Variants in MACF1 observed in about 807,000 individuals in gnomAD.
MACF1 encodes microtubule actin crosslinking factor 1.
In MACF1, 193 loss-of-function variants were observed where a neutral mutation model predicts 854.8. That is an observed-to-expected ratio of 0.23 (90% CI 0.20 to 0.25). MACF1 has a LOEUF of 0.25. Among genes scored for constraint, MACF1 ranks in the 10% least tolerant of loss-of-function variants. MACF1 has a pLI of 1.00. For synonymous variants in MACF1, 3,185 were observed against 3,226.7 expected (o/e 0.99, Z 0.44); for missense variants, 7,722 against 8,929.1 (o/e 0.86, Z 5.45).
At chr1:39,313,834 C>T (rs1646351722) in intron 26 of MACF1, among the ~76,000 whole-genome samples, 1 of 152,034 alleles carries the variant, frequency 6.6e-6, no homozygotes. Context: ...AGGCTGGTCT[C>T]CAACTCCTGG....
chr1:39,213,557 G>A (rs773703184), intron 1 of MACF1, among the ~76,000 whole-genome samples: 1 of 151,988 alleles, frequency 6.6e-6, no homozygotes, highest in East Asian at 1.9e-4. Flanking sequence ...GGGTGGTCTC[G>A]AACTCCTGAG....
At chr1:39,160,095 G>A (rs1231284808) in intron 2 of MACF1, among the ~76,000 whole-genome samples, 1 of 152,058 alleles carries the variant, frequency 6.6e-6, no homozygotes, top group African/African-American at 2.4e-5. Flanking sequence ...TGGGAGGATC[G>A]CTTGAACCCA....
chr1:39,413,792 T>C, intron 58 of MACF1: 1 of 1,611,674 alleles, frequency 6.2e-7, no homozygotes, highest in Non-Finnish European at 8.5e-7. Flanking sequence ...GCTGCTGCAG[T>C]GCCCACCCCA....
Position 39,473,824 on chromosome 1 carries a change from G to A in MACF1, c.21958+4209G>A, listed in dbSNP as rs536756203. ...AAGGTAAATTAAGATGATGGTCCCTGCCTGCAGAAGCTCTCAGCCTAGTGC... is the reference window on the plus strand; with the variant it reads ...AAGGTAAATTAAGATGATGGTCCCTACCTGCAGAAGCTCTCAGCCTAGTGC... On this transcript the variant is annotated intron_variant, in intron 97 of 100. Coordinates refer to ENST00000564288, the MANE Select transcript of MACF1 (RefSeq NM_001394062.1). Among the ~76,000 whole-genome samples, 25 of 152,320 alleles carry A rather than the reference G, an allele frequency of 1.6e-4. No homozygotes were observed. The East Asian group carries it at 4.8e-3, about 29-fold the overall frequency.
intron 61 of MACF1, among the ~76,000 whole-genome samples, chr1:39,426,891 A>G (rs1643747171): frequency 6.6e-6 from 1 of 152,066 alleles, no homozygotes; most frequent in Non-Finnish European, 1.5e-5. Context: ...GGGGCTTGAA[A>G]TTACCAGAAG....
chr1:39,358,581 C>T (rs1647799211), intron 45 of MACF1, 116 bp from the exon 46 acceptor site: 1 of 922,252 alleles, frequency 1.1e-6, no homozygotes. Flanking sequence ...CTGGCAATAC[C>T]CTTATCTGAA....
intron 1 of MACF1, among the ~76,000 whole-genome samples, chr1:39,210,372 C>CT (rs200643875): frequency 1.7e-4 from 25 of 151,316 alleles, no homozygotes; most frequent in African/African-American, 4.6e-4. Context: ...CATTCCTTTC[C>CT]TTTTTTTAAA....
At chr1:39,231,293 T>C in intron 2 of MACF1, 50 bp downstream of exon 2, 1 of 1,496,556 alleles carries the variant, frequency 6.7e-7, no homozygotes, top group Non-Finnish European at 9.3e-7. Context: ...ACTGCTCTCA[T>C]CTGGATCTGT....
intron 2 of MACF1, among the ~76,000 whole-genome samples, chr1:39,122,103 A>T (rs1169872137): frequency 6.6e-6 from 1 of 152,152 alleles, no homozygotes; most frequent in East Asian, 1.9e-4. Context: ...TTGAGTAAAA[A>T]AAAATTCTGT....
chr1:39,243,677 A>G (rs1644949880), intron 2 of MACF1, among the ~76,000 whole-genome samples: 1 of 152,202 alleles, frequency 6.6e-6, no homozygotes, highest in Non-Finnish European at 1.5e-5. Context: ...TGCTGCAATA[A>G]CATGCTTGAG....
At chr1:39,462,141 G>A in intron 93 of MACF1, 104 bp downstream of exon 93, 1 of 1,093,312 alleles carries the variant, frequency 9.1e-7, no homozygotes, top group Non-Finnish European at 1.3e-6. Flanking sequence ...CTTGTCTGTT[G>A]GGAGATAATT....
intron 2 of MACF1, chr1:39,103,334 TATG>T (rs1005131825): frequency 1.0e-5 from 3 of 296,568 alleles, no homozygotes; most frequent in Non-Finnish European, 1.3e-5. Flanking sequence ...GGGACTTTTC[TATG>T]TAGTGTAATG....
chr1:39,181,970 G>C (rs575239318), intron 2 of MACF1, among the ~76,000 whole-genome samples: 56 of 152,180 alleles, frequency 3.7e-4, no homozygotes, highest in African/African-American at 1.3e-3. Flanking sequence ...GGCCAACATT[G>C]TGAAACCCCA....
At chr1:39,389,050 A>AT (rs1380851913) in intron 58 of MACF1, among the ~76,000 whole-genome samples, 1 of 149,846 alleles carries the variant, frequency 6.7e-6, no homozygotes, top group Admixed American at 6.7e-5. Flanking sequence ...AATTTTTTGT[A>AT]TTTTTTGTAG....
rs565440734 is a variant in MACF1 at position 39,331,818 on chromosome 1, C to T, written c.5230C>T (p.Arg1744Trp). 6.8e-6 allele frequency: 11 copies of T among 1,613,858 alleles called. No individual in the cohort carries two copies. In the East Asian group the frequency reaches 1.1e-4, roughly 16 times the overall value. The change falls in exon 37 of 101, where the codon CGG (arginine) becomes TGG (tryptophan). Residue 1744 changes from arginine (R) to tryptophan (W), a missense_variant. Around this residue, in one of 15 missense-constraint regions of MACF1, gnomAD observed 1,531 missense variants for 1,601.6 expected, o/e 0.96. Coordinates refer to ENST00000564288, the MANE Select transcript of MACF1 (RefSeq NM_001394062.1). ...GGGGATGGTGAGCTTGAAATCAGGCCGGAAGGTTAGCATTTTCCGTGCAGT... is the reference window on the plus strand; with the variant it reads ...GGGGATGGTGAGCTTGAAATCAGGCTGGAAGGTTAGCATTTTCCGTGCAGT... ...AGGMVSLKSGRKVSIFRAVQE... is the reference protein window; with the variant it reads ...AGGMVSLKSGWKVSIFRAVQE...
In MACF1 at chr1:39,369,675, C is replaced by G. The variant is rs944591372; in HGVS notation, c.12939-355C>G. Reference sequence around the variant, plus strand: ...CACTTGAATTGGTCCTTGAAAGAGTCAAATAGCTAAAATGTAGCAGGGCCG... The same window carrying G: ...CACTTGAATTGGTCCTTGAAAGAGTGAAATAGCTAAAATGTAGCAGGGCCG... On this transcript the variant is annotated intron_variant, in intron 50 of 100. Coordinates refer to ENST00000564288, the MANE Select transcript of MACF1 (RefSeq NM_001394062.1). Among the ~76,000 whole-genome samples the G allele has an allele frequency of 5.9e-5, 9 of 152,312 alleles. No homozygotes were observed. In the South Asian group the frequency reaches 1.7e-3, roughly 28 times the overall value.
At chr1:39,188,792 C>CG (rs879256293) in intron 2 of MACF1, among the ~76,000 whole-genome samples, 1,710 of 152,138 alleles carry the variant, frequency 0.011, 10 homozygotes, top group Non-Finnish European at 0.016. Context: ...TTAGTAGAGG[C>CG]GGGGTTTCAC....
intron 2 of MACF1, among the ~76,000 whole-genome samples, chr1:39,246,602 G>A (rs75927663): frequency 8.0e-5 from 12 of 150,172 alleles, no homozygotes; most frequent in African/African-American, 2.9e-4. Context: ...TCTGCCTTCC[G>A]GGTTCAAGCG....
chr1:39,379,786 A>G (rs1414145775), intron 54 of MACF1, among the ~76,000 whole-genome samples: 7 of 152,218 alleles, frequency 4.6e-5, no homozygotes, highest in Non-Finnish European at 7.3e-5. Context: ...TATCTTTCCA[A>G]TTCTTAGAGG....
Sources: gnomAD v4.1 joint callset for allele counts (sites outside exome capture counted in the v4.1 genomes callset) on GRCh38, gnomAD v4.1.1 for gene constraint, gnomAD v4.1.1 regional missense constraint, MANE v1.5 for transcripts, NCBI Gene and HGNC (gene_info 2026-07-23, HGNC 2026-07-21) for gene names.